BNC2: variants seen among roughly 807,000 people sequenced by gnomAD.
The protein encoded by BNC2 is basonuclin zinc finger protein 2, also known as zinc finger protein basonuclin-2.
In BNC2, 20 loss-of-function variants were observed where a neutral mutation model predicts 76.3. The observed-to-expected ratio is 0.26, with a 90% CI of 0.18 to 0.38. The LOEUF (loss-of-function observed/expected upper bound fraction) is 0.38. Ranked by LOEUF, BNC2 falls within the 10% of genes least tolerant of loss-of-function variation. BNC2 has a pLI of 1.00. For synonymous variants in BNC2, 582 were observed against 514.8 expected (o/e 1.13, Z -1.77); for missense variants, 1,382 against 1,399.8 (o/e 0.99, Z 0.20).
chr9:16,470,989 A>G (rs1018004941), intron 5 of BNC2, among the ~76,000 whole-genome samples: 2 of 152,150 alleles, frequency 1.3e-5, no homozygotes, highest in Non-Finnish European at 1.5e-5. Flanking sequence ...CCTGGAAAAG[A>G]CACAGACACT....
intron 1 of BNC2, among the ~76,000 whole-genome samples, chr9:16,823,599 T>C (rs986202166): frequency 1.1e-4 from 17 of 151,364 alleles, no homozygotes; most frequent in African/African-American, 4.1e-4. Flanking sequence ...TGAGATCCTG[T>C]TTCAAAAAAA....
intron 1 of BNC2, among the ~76,000 whole-genome samples, chr9:16,777,294 G>A (rs1471847041): frequency 2.6e-5 from 4 of 152,092 alleles, no homozygotes; most frequent in African/African-American, 7.2e-5. Context: ...AGAGCAAAAA[G>A]GAGAACAGGG....
At chr9:16,650,502 A>C (rs1821763506) in intron 3 of BNC2, among the ~76,000 whole-genome samples, 1 of 152,172 alleles carries the variant, frequency 6.6e-6, no homozygotes, top group African/African-American at 2.4e-5. Context: ...AACAGAGTCC[A>C]CCAAACTGCC....
chr9:16,576,674 G>C (rs1202660870), intron 4 of BNC2, among the ~76,000 whole-genome samples: 1 of 152,150 alleles, frequency 6.6e-6, no homozygotes, highest in Non-Finnish European at 1.5e-5. Flanking sequence ...ACGAACTTGA[G>C]GAATTTGTAA....
chr9:16,810,254 C>A (rs1486666059), intron 1 of BNC2, among the ~76,000 whole-genome samples: 1 of 152,140 alleles, frequency 6.6e-6, no homozygotes, highest in Non-Finnish European at 1.5e-5. Context: ...TAGTCTTCCA[C>A]AAGACAGCAT....
intron 5 of BNC2, among the ~76,000 whole-genome samples, chr9:16,486,710 T>G (rs574411263): frequency 2.6e-5 from 4 of 152,246 alleles, no homozygotes; most frequent in Admixed American, 2.6e-4. Flanking sequence ...CTGTAGCAAT[T>G]TGGGAGATTC....
chr9:16,521,973 C>G (rs930398648), intron 5 of BNC2, among the ~76,000 whole-genome samples: 1 of 152,178 alleles, frequency 6.6e-6, no homozygotes, highest in Admixed American at 6.5e-5. Context: ...CAGAGGCACT[C>G]ACTCATTATA....
At chr9:16,455,999 A>G (rs1346356506) in intron 5 of BNC2, among the ~76,000 whole-genome samples, 4 of 152,186 alleles carry the variant, frequency 2.6e-5, no homozygotes, top group Admixed American at 1.3e-4. Flanking sequence ...GTGCAATGAA[A>G]GAGCTCAAGC....
At chr9:16,789,271 TA>T (rs1817434664) in intron 1 of BNC2, among the ~76,000 whole-genome samples, 1 of 152,026 alleles carries the variant, frequency 6.6e-6, no homozygotes, top group Admixed American at 6.6e-5. Context: ...GGGAGTAATA[TA>T]AATGTTCTTC....
chr9:16,595,592 T>G (rs751194222), intron 3 of BNC2, among the ~76,000 whole-genome samples: 1 of 152,100 alleles, frequency 6.6e-6, no homozygotes, highest in Non-Finnish European at 1.5e-5. Context: ...AAAAGGTGGT[T>G]TTCTCAAATT....
At position 16,731,021 on chromosome 9, in the gene BNC2, C is replaced by T. The variant is rs536777342; in HGVS notation, c.130-3024G>A. Among the ~76,000 whole-genome samples the T allele has an allele frequency of 1.7e-4, 26 of 152,282 alleles. No individual in the cohort carries two copies. In the South Asian group the frequency reaches 4.8e-3, roughly 28 times the overall value. ...AAATCCCCAAGATACATGATCTGAA[C>T]TTCCACATATAACATACTGTGTAGA... On this transcript the variant is annotated intron_variant, in intron 2 of 6. Transcript: ENST00000380672.
intron 6 of BNC2, among the ~76,000 whole-genome samples, chr9:16,432,789 G>A (rs1405400111): frequency 2.0e-5 from 3 of 152,162 alleles, no homozygotes; most frequent in African/African-American, 7.2e-5. Context: ...GTTTGAGAAG[G>A]TCTGTTGGCT....
chr9:16,656,670 T>C (rs1821939953), intron 3 of BNC2, among the ~76,000 whole-genome samples: 1 of 152,214 alleles, frequency 6.6e-6, no homozygotes, highest in Non-Finnish European at 1.5e-5. Flanking sequence ...TTTTATTTGT[T>C]TTTGTTTTGT....
intron 6 of BNC2, among the ~76,000 whole-genome samples, chr9:16,430,671 G>C (rs1820891565): frequency 6.6e-6 from 1 of 152,146 alleles, no homozygotes; most frequent in Non-Finnish European, 1.5e-5. Flanking sequence ...TACAGGGCTG[G>C]AAGTCAGGTA....
chr9:16,658,208 A>G (rs1264468986), intron 3 of BNC2, among the ~76,000 whole-genome samples: 1 of 152,190 alleles, frequency 6.6e-6, no homozygotes, highest in Non-Finnish European at 1.5e-5. Context: ...TCATTGTTAA[A>G]CTATTTAGAC....
At chr9:16,598,760 G>A (rs1221357393) in intron 3 of BNC2, among the ~76,000 whole-genome samples, 1 of 152,056 alleles carries the variant, frequency 6.6e-6, no homozygotes, top group East Asian at 1.9e-4. Context: ...CCCAAAATAG[G>A]AAAACAGACT....
At chr9:16,784,682 A>C (rs1826235521) in intron 1 of BNC2, among the ~76,000 whole-genome samples, 1 of 152,242 alleles carries the variant, frequency 6.6e-6, no homozygotes, top group Admixed American at 6.5e-5. Flanking sequence ...TCCAATCTCA[A>C]TCACTAGAGT....
At chr9:16,488,648 A>C (rs1019237318) in intron 5 of BNC2, among the ~76,000 whole-genome samples, 1 of 152,188 alleles carries the variant, frequency 6.6e-6, no homozygotes, top group African/African-American at 2.4e-5. Context: ...TACTGTATTG[A>C]CTGTAACTTC....
chr9:16,862,380 T>C (rs750095932), intron 1 of BNC2, among the ~76,000 whole-genome samples: 8 of 152,210 alleles, frequency 5.3e-5, no homozygotes, highest in Non-Finnish European at 1.2e-4. Flanking sequence ...GCTATGATTA[T>C]ATAGTGTTAT....
Sources: allele counts gnomAD v4.1 joint callset (sites outside exome capture counted in the v4.1 genomes callset), GRCh38; gene constraint gnomAD v4.1.1; transcripts MANE v1.5; gene names NCBI Gene and HGNC (gene_info 2026-07-23, HGNC 2026-07-21).